The following KDM3A variants were observed in gnomAD, a reference collection of about 807,000 sequenced individuals.
KDM3A encodes lysine demethylase 3A.
KDM3A carries 60 observed loss-of-function variants against 158.0 expected under a neutral mutation model. That is an observed-to-expected ratio of 0.38 (90% CI 0.31 to 0.47). The LOEUF (loss-of-function observed/expected upper bound fraction) is 0.47, where lower values mean the gene tolerates loss of function less well. KDM3A is among the 20% of genes least tolerant of loss of function. The pLI is 0.99. For synonymous variants in KDM3A, 608 were observed against 549.3 expected, an observed-to-expected ratio of 1.11 and a Z score of -1.49; for missense variants, 1,319 against 1,574.3, an observed-to-expected ratio of 0.84 and a Z score of 2.74.
At position 86,471,351 on chromosome 2, in the gene KDM3A, G is replaced by A. The variant is rs183651322; in HGVS notation, c.1724+943G>A. 3.1e-3 allele frequency among the ~76,000 whole-genome samples: 462 copies of A among 150,788 alleles called. 7 individuals carry two copies. The highest frequency in any genetic ancestry group is 0.028 in the Admixed American group (421 of 15,084). On this transcript the variant is annotated intron_variant, in intron 11 of 25. Transcript: ENST00000312912. ...TATGTGTGTATATATGTATATATGT[G>A]TGTGTGTATATGTGTATATATGTAT... is the stretch of plus-strand genomic sequence containing the variant.
Position 86,466,635 on chromosome 2 carries a change from C to T in KDM3A, c.1271C>T (p.Ser424Phe). 1 of 1,613,930 alleles carries T rather than the reference C, an allele frequency of 6.2e-7. No homozygotes were observed. The highest frequency in any genetic ancestry group is 1.1e-5 in the South Asian group (1 of 91,070). The change falls in exon 10 of 26, where the codon TCT becomes TTT. Residue 424 changes from serine to phenylalanine, a missense_variant. Coordinates refer to ENST00000312912, the MANE Select transcript of KDM3A (RefSeq NM_018433.6). ...PKECLPTKAS[S>F]KAELEIANPP... ...GAGTGCTTACCTACAAAGGCTTCTT[C>T]TAAGGCAGAATTGGAAATTGCCAAT...
chr2:86,476,622 CAAAT>C (rs1337746415), intron 12 of KDM3A, among the ~76,000 whole-genome samples: 1 of 152,152 alleles, frequency 6.6e-6, no homozygotes. Context: ...CTTTCAGTGA[CAAAT>C]AATCATTAAA....
rs530982380 is a variant in KDM3A at position 86,464,836 on chromosome 2, A to G, written c.1007+620A>G. Among the ~76,000 whole-genome samples the G allele has an allele frequency of 1.3e-3, 199 of 152,336 alleles. 3 individuals are homozygous for G. Among genetic ancestry groups the G allele is most frequent in the Non-Finnish European group, 4.6e-4 (31 of 68,026 alleles). ...GGTGGCCTGCGTAGGCAGGCAGTTG[A>G]TACAGCCTTAAGATGTAGGTCAGAG... On this transcript the variant is annotated intron_variant, in intron 9 of 25. Coordinates refer to ENST00000312912, the MANE Select transcript of KDM3A (RefSeq NM_018433.6).
chr2:86,466,963 C>T, intron 10 of KDM3A, 80 bp downstream of exon 10: 1 of 1,183,006 alleles, frequency 8.5e-7, no homozygotes, highest in Non-Finnish European at 1.2e-6. Context: ...CTATGAGAAA[C>T]TATGTGAAAA....
chr2:86,446,559 A>C (rs1328308746), intron 2 of KDM3A, among the ~76,000 whole-genome samples: 1 of 152,114 alleles, frequency 6.6e-6, no homozygotes, highest in Non-Finnish European at 1.5e-5. Flanking sequence ...AAATGCAAAA[A>C]TTAGCCAGGT....
At chr2:86,460,910 A>T (rs981640751) in intron 8 of KDM3A, 1 of 152,180 alleles carries the variant, frequency 6.6e-6, no homozygotes, top group African/African-American at 2.4e-5. Flanking sequence ...TGGGAATTGG[A>T]GTCCTGTTCC....
chr2:86,462,936 G>T (rs975384676), intron 8 of KDM3A, among the ~76,000 whole-genome samples: 1 of 151,908 alleles, frequency 6.6e-6, no homozygotes, highest in East Asian at 1.9e-4. Context: ...CTAAAAACAC[G>T]AAAAACTAGC....
chr2:86,484,306 A>G, intron 19 of KDM3A, 148 bp downstream of exon 19: 2 of 657,374 alleles, frequency 3.0e-6, no homozygotes, highest in Non-Finnish European at 5.2e-6. Context: ...CTTCCTTGTT[A>G]CAATGTTTAT....
Position 86,461,218 on chromosome 2 carries a change from A to G in KDM3A, c.844-2835A>G, listed in dbSNP as rs538557983. ...TACTCTTCATCACTGTGCTGTTGCC[A>G]CTGCTCTCCAAATCTTCTCCTTGGT... On this transcript the variant is annotated intron_variant, in intron 8 of 25. Transcript: ENST00000312912. Among the ~76,000 whole-genome samples the G allele has an allele frequency of 3.3e-5, 5 of 152,258 alleles. No homozygotes were observed. The East Asian group carries it at 9.7e-4, about 29-fold the overall frequency.
At position 86,477,813 on chromosome 2, in the gene KDM3A, C is replaced by T. The variant is rs542599088; in HGVS notation, c.1940-64C>T. Reference sequence around the variant, plus strand: ...AGGGAGGAATGACAATAACCCCTACCTTTCGTTTTTGGTTTCAGAAGCCCT... The same window carrying T: ...AGGGAGGAATGACAATAACCCCTACTTTTCGTTTTTGGTTTCAGAAGCCCT... On this transcript the variant is annotated intron_variant, in intron 12 of 25. Transcript: ENST00000312912. 147 of 1,479,538 alleles carry T rather than the reference C, an allele frequency of 9.9e-5. 1 individual carries two copies. In the African/African-American group the frequency reaches 1.6e-3, roughly 17 times the overall value. 91.7% of individuals were successfully genotyped at this position (1,479,538 alleles called of 1,614,324 possible). A position where few individuals can be genotyped will look rare whatever the true frequency, so the allele number is the denominator to read the frequency against.
chr2:86,491,426 C>G (rs2104720006), intron 25 of KDM3A, 151 bp downstream of exon 25: 1 of 697,880 alleles, frequency 1.4e-6, no homozygotes, highest in East Asian at 2.6e-5. Flanking sequence ...GTACTACTAT[C>G]TACTTAAGTG....
At chr2:86,464,758 C>G (rs1487490175) in intron 9 of KDM3A, among the ~76,000 whole-genome samples, 1 of 152,192 alleles carries the variant, frequency 6.6e-6, no homozygotes, top group Non-Finnish European at 1.5e-5. Flanking sequence ...AAAGTAGGTA[C>G]AAGGTTGACA....
intron 2 of KDM3A, among the ~76,000 whole-genome samples, chr2:86,445,659 C>G (rs992351646): frequency 2.0e-5 from 3 of 152,162 alleles, no homozygotes; most frequent in Non-Finnish European, 2.9e-5. Context: ...CAATTTGGTG[C>G]CTTGACTAAT....
At chr2:86,468,745 T>C (rs1442036865) in intron 10 of KDM3A, among the ~76,000 whole-genome samples, 1 of 152,166 alleles carries the variant, frequency 6.6e-6, no homozygotes, top group Non-Finnish European at 1.5e-5. Flanking sequence ...AAAAGCAAAC[T>C]GGAGTCAAAC....
intron 18 of KDM3A, 27 bp from the exon 19 acceptor site, chr2:86,483,960 A>G (rs1674061515): frequency 6.3e-7 from 1 of 1,593,690 alleles, no homozygotes; most frequent in Non-Finnish European, 8.6e-7. Flanking sequence ...CAGAGTTCAG[A>G]CTAAAGTTTT....
intron 11 of KDM3A, among the ~76,000 whole-genome samples, chr2:86,472,746 A>C (rs1196551919): frequency 6.6e-6 from 1 of 152,174 alleles, no homozygotes; most frequent in Non-Finnish European, 1.5e-5. Context: ...TAGCAAAGTC[A>C]AGGTCCCCAA....
chr2:86,442,224 G>T lies in KDM3A; in HGVS notation c.177G>T (p.Lys59Asn), dbSNP rs894628238. Residue 59 changes from lysine to asparagine, a missense_variant, in exon 2 of 26, where the codon AAG becomes AAT. Around this residue, in one of 4 missense-constraint regions of KDM3A, gnomAD observed 652 missense variants for 627.2 expected, o/e 1.04. Coordinates refer to ENST00000312912, the MANE Select transcript of KDM3A (RefSeq NM_018433.6). ...TTTCCCACACCGACGTTACCAAGAA[G>T]GATCTGAAGGTACAGGCGGCTCCGG... ...RAVSHTDVTK[K>N]DLKVCVEFDG... 2 of 1,608,334 alleles carry T rather than the reference G, an allele frequency of 1.2e-6. No individual in the cohort carries two copies. The highest frequency in any genetic ancestry group is 1.7e-6 in the Non-Finnish European group (2 of 1,176,442).
chr2:86,443,171 T>C (rs936477216), intron 2 of KDM3A: 1 of 152,212 alleles, frequency 6.6e-6, no homozygotes, highest in Non-Finnish European at 1.5e-5. Context: ...AGGAAGCTTG[T>C]CAGAACAGAA....
chr2:86,442,051 G>A lies in KDM3A; in HGVS notation c.4G>A (p.Val2Met). Residue 2 changes from valine to methionine, a missense_variant, in exon 2 of 26, where the codon GTG (valine) becomes ATG (methionine). Transcript: ENST00000312912. ...TCTTCCTGCAGGCGTGGAAACCATG[G>A]TGCTCACGCTCGGAGAAAGTTGGCC... M[V>M]LTLGESWPVL... 6.2e-7 allele frequency: 1 copy of A among 1,613,998 alleles called. No homozygotes were observed. Among genetic ancestry groups the A allele is most frequent in the Non-Finnish European group, 8.5e-7 (1 of 1,179,970 alleles).
Sources: gnomAD v4.1 joint callset for allele counts (sites outside exome capture counted in the v4.1 genomes callset) on GRCh38, gnomAD v4.1.1 for gene constraint, gnomAD v4.1.1 regional missense constraint, MANE v1.5 for transcripts, NCBI Gene and HGNC (gene_info 2026-07-23, HGNC 2026-07-21) for gene names.